Variants in PARP14 observed in about 807,000 individuals in gnomAD.
PARP14 encodes poly(ADP-ribose) polymerase family member 14.
In PARP14, 59 loss-of-function variants were observed where a neutral mutation model predicts 154.2. The ratio of observed to expected loss-of-function variants is 0.38; its 90% CI spans 0.31 to 0.48. The LOEUF (loss-of-function observed/expected upper bound fraction) is 0.48, where lower values mean the gene tolerates loss of function less well. PARP14 is among the 20% of genes least tolerant of loss of function. PARP14 has a pLI of 0.98. For synonymous variants in PARP14, 720 were observed against 780.5 expected, an observed-to-expected ratio of 0.92 and a Z score of 1.29; for missense variants, 1,734 against 2,131.6, an observed-to-expected ratio of 0.81 and a Z score of 3.67.
chr3:122,705,710 T>C (rs1939133117), intron 8 of PARP14, among the ~76,000 whole-genome samples: 1 of 152,222 alleles, frequency 6.6e-6, no homozygotes, highest in South Asian at 2.1e-4. Flanking sequence ...ACCCAAGAGA[T>C]ACCTGTGGAT....
intron 16 of PARP14, 26 bp from the exon 17 acceptor site, chr3:122,728,282 C>G: frequency 6.3e-7 from 1 of 1,593,360 alleles, no homozygotes; most frequent in Non-Finnish European, 8.6e-7. Context: ...ACTTGAAATG[C>G]TTAAAAATGG....
chr3:122,703,852 A>G lies in PARP14; in HGVS notation c.3192A>G (p.Thr1064=). The change falls in exon 7 of 17, where the codon ACA becomes ACG. Residue 1064 remains threonine, a synonymous_variant. Transcript: ENST00000474629. ...AGPELQEELD[T]VGQGVAVSMG... ...CAGAGCTCCAGGAGGAATTGGACAC[A>G]GTTGGACAAGGGGTGGCTGTCAGCA... 6.2e-7 allele frequency: 1 copy of G among 1,614,002 alleles called. No individual in the cohort carries two copies.
At chr3:122,698,226 C>A (rs1316625442) in intron 5 of PARP14, among the ~76,000 whole-genome samples, 1 of 152,220 alleles carries the variant, frequency 6.6e-6, no homozygotes, top group Non-Finnish European at 1.5e-5. Context: ...TGCTTGATAC[C>A]AGCTCTAGGA....
chr3:122,692,666 C>A, intron 4 of PARP14, 123 bp downstream of exon 4: 1 of 731,572 alleles, frequency 1.4e-6, no homozygotes, highest in Non-Finnish European at 2.1e-6. Flanking sequence ...GAGAGGTTTC[C>A]AAGTTAATAT....
At chr3:122,704,478 A>G in intron 7 of PARP14, 49 bp from the exon 8 acceptor site, 2 of 1,191,336 alleles carry the variant, frequency 1.7e-6, no homozygotes, top group Non-Finnish European at 2.4e-6. Flanking sequence ...TTTTGTTCTA[A>G]CTCCCATTTC....
rs182702981 is a variant in PARP14 at position 122,700,547 on chromosome 3, G to A, written c.1993G>A (p.Val665Ile). 99 of 1,595,590 alleles carry A rather than the reference G, an allele frequency of 6.2e-5. 1 individual carries two copies. Among genetic ancestry groups the A allele is most frequent in the Middle Eastern group, 1.6e-4 (1 of 6,062 alleles). ...AACCTATAAATTGCTTTTTAACTTCGTTGAACAAAACATGAAAATAGAGAG... is the reference window on the plus strand; with the variant it reads ...AACCTATAAATTGCTTTTTAACTTCATTGAACAAAACATGAAAATAGAGAG... ...NETYKLLFNF[V>I]EQNMKIERLV... Residue 665 changes from valine to isoleucine, a missense_variant, in exon 6 of 17, where the codon GTT (valine) becomes ATT (isoleucine). By Grantham distance (29) the Val-to-Ile change is conservative. Coordinates refer to ENST00000474629, the MANE Select transcript of PARP14 (RefSeq NM_017554.3).
intron 5 of PARP14, among the ~76,000 whole-genome samples, chr3:122,697,936 G>A (rs956357309): frequency 3.3e-5 from 5 of 152,178 alleles, no homozygotes; most frequent in African/African-American, 1.2e-4. Context: ...TACTAGCTTT[G>A]TAATCTTGGC....
chr3:122,689,258 G>C (rs1385462347), intron 3 of PARP14, among the ~76,000 whole-genome samples: 1 of 152,124 alleles, frequency 6.6e-6, no homozygotes, highest in Non-Finnish European at 1.5e-5. Flanking sequence ...CAGTCTGCTC[G>C]TCACCTACTA....
chr3:122,702,099 A>T (rs1282357299), intron 6 of PARP14, among the ~76,000 whole-genome samples: 1 of 152,182 alleles, frequency 6.6e-6, no homozygotes, highest in Non-Finnish European at 1.5e-5. Context: ...AGCGCCCAAC[A>T]CCAGTGAGGA....
At position 122,701,180 on chromosome 3, in the gene PARP14, C is replaced by A; in HGVS notation, c.2626C>A (p.His876Asn). 1 of 1,613,578 alleles carries A rather than the reference C, an allele frequency of 6.2e-7. No individual in the cohort carries two copies. The highest frequency in any genetic ancestry group is 1.1e-5 in the South Asian group (1 of 91,066). ...ISKAGKLPYH[H>N]VIHAVGPRWS... is the part of the protein sequence containing the mutation. ...CAAGGCAGGAAAGCTGCCCTACCACCACGTGATCCATGCAGTGGGGCCCCG... is the reference window on the plus strand; with the variant it reads ...CAAGGCAGGAAAGCTGCCCTACCACAACGTGATCCATGCAGTGGGGCCCCG... The change falls in exon 6 of 17, where the codon CAC becomes AAC. Residue 876 changes from histidine (H) to asparagine (N), a missense_variant. His to Asn is a moderately conservative substitution (Grantham distance 68). This residue lies in a region of PARP14 where 1,646 missense variants were observed against 1,976.0 expected (regional missense o/e 0.83). Coordinates refer to ENST00000474629, the MANE Select transcript of PARP14 (RefSeq NM_017554.3). This position sits in a 1 kb window ranked among gnomAD's most constrained non-coding sequence, Gnocchi z 4.0.
At chr3:122,728,111 A>G in intron 16 of PARP14, 125 bp downstream of exon 16, 1 of 946,186 alleles carries the variant, frequency 1.1e-6, no homozygotes, top group Non-Finnish European at 1.6e-6. Flanking sequence ...CCCGAGTTTC[A>G]GGGTAGGACT....
At chr3:122,711,458 T>C (rs916582756) in intron 9 of PARP14, among the ~76,000 whole-genome samples, 5 of 152,234 alleles carry the variant, frequency 3.3e-5, no homozygotes, top group African/African-American at 1.2e-4. Flanking sequence ...TAATGTATTA[T>C]CTTTTTGAAG....
intron 5 of PARP14, among the ~76,000 whole-genome samples, chr3:122,699,130 C>G (rs1291744704): frequency 6.6e-6 from 1 of 152,166 alleles, no homozygotes; most frequent in Non-Finnish European, 1.5e-5. Flanking sequence ...TATATTTGAG[C>G]ACTTTGAGAG....
Position 122,701,186 on chromosome 3 carries a change from A to G in PARP14, c.2632A>G (p.Ile878Val). The G allele has an allele frequency of 6.2e-7, 1 of 1,613,576 alleles. No homozygotes were observed. Among genetic ancestry groups the G allele is most frequent in the Non-Finnish European group, 8.5e-7 (1 of 1,179,704 alleles). The change falls in exon 6 of 17, where the codon ATC (isoleucine) becomes GTC (valine). Residue 878 changes from isoleucine to valine, a missense_variant. By Grantham distance (29) the Ile-to-Val change is conservative (BLOSUM62 3). Coordinates refer to ENST00000474629, the MANE Select transcript of PARP14 (RefSeq NM_017554.3). The surrounding 1 kb of genome is among the most constrained non-coding windows in gnomAD (Gnocchi z 4.0). ...AGGAAAGCTGCCCTACCACCACGTG[A>G]TCCATGCAGTGGGGCCCCGCTGGAG... ...KAGKLPYHHVIHAVGPRWSGY... is the reference protein window; with the variant it reads ...KAGKLPYHHVVHAVGPRWSGY...
chr3:122,700,642 G>A lies in PARP14; in HGVS notation c.2088G>A (p.Lys696=). The A allele has an allele frequency of 1.9e-6, 3 of 1,605,924 alleles. No homozygotes were observed. Among genetic ancestry groups the A allele is most frequent in the Non-Finnish European group, 2.6e-6 (3 of 1,175,800 alleles). The change falls in exon 6 of 17, where the codon AAG becomes AAA. Residue 696 remains lysine (K), a synonymous_variant. Coordinates refer to ENST00000474629, the MANE Select transcript of PARP14 (RefSeq NM_017554.3). ...CAGAAAAGAAGCTATTCTGGCCAAA[G>A]ATAAAGAAGGTAAATGTGCAGGTAA... The part of the protein sequence containing the change: ...LKTEKKLFWP[K]IKKVNVQVSF...
intron 6 of PARP14, 78 bp from the exon 7 acceptor site, chr3:122,703,664 C>T: frequency 1.3e-6 from 1 of 775,648 alleles, no homozygotes; most frequent in South Asian, 1.9e-5. Context: ...TGTGCCAAGC[C>T]CAGTGCCTCA....
intron 15 of PARP14, chr3:122,720,597 T>G: frequency 1.6e-6 from 1 of 607,996 alleles, no homozygotes; most frequent in Admixed American, 2.5e-5. Context: ...AATATTTGAT[T>G]GTAATATGAT....
chr3:122,728,600 CTT>C lies in PARP14; in HGVS notation c.*5_*6del. 2 of 1,599,422 alleles carry C rather than the reference CTT, an allele frequency of 1.3e-6. No homozygotes were observed. The highest frequency in any genetic ancestry group is 3.4e-5 in the Admixed American group (2 of 59,222). On this transcript the variant is annotated 3_prime_UTR_variant, in exon 17 of 17. Coordinates refer to ENST00000474629, the MANE Select transcript of PARP14 (RefSeq NM_017554.3). ...ACCTTATTACGTTTAGAAAATAACACTTTGGTATCCTTCCCACAAAATTATTC... is the reference window on the plus strand; with the variant it reads ...ACCTTATTACGTTTAGAAAATAACACTGGTATCCTTCCCACAAAATTATTC...
At chr3:122,728,255 T>C in intron 16 of PARP14, 53 bp from the exon 17 acceptor site, 1 of 1,460,510 alleles carries the variant, frequency 6.8e-7, no homozygotes. Flanking sequence ...TGGGCCAACA[T>C]ATCAAATTTT....
Sources: allele counts gnomAD v4.1 joint callset (sites outside exome capture counted in the v4.1 genomes callset), GRCh38; gene constraint gnomAD v4.1.1; regional missense constraint gnomAD v4.1.1; non-coding constraint Gnocchi (gnomAD v3.1); transcripts MANE v1.5; gene names NCBI Gene and HGNC (gene_info 2026-07-23, HGNC 2026-07-21).